CHRM3: variants seen among roughly 807,000 people sequenced by gnomAD.
CHRM3 encodes cholinergic receptor muscarinic 3, also known as muscarinic acetylcholine receptor M3.
A neutral mutation model predicts 41.8 loss-of-function variants in CHRM3; 11 were observed. The ratio of observed to expected loss-of-function variants is 0.26; its 90% CI spans 0.17 to 0.44. CHRM3 has a LOEUF of 0.44. Among genes scored for constraint, CHRM3 ranks in the 20% least tolerant of loss-of-function variants. The probability of loss-of-function intolerance (pLI) is 1.00; values close to 1 mark genes in which losing one functional copy is unlikely to be tolerated. For synonymous variants in CHRM3, 297 were observed against 301.4 expected (o/e 0.99, Z 0.15); for missense variants, 571 against 745.4 (o/e 0.77, Z 2.72).
chr1:239,660,835 C>A (rs535783750), intron 4 of CHRM3, among the ~76,000 whole-genome samples: 1 of 152,108 alleles, frequency 6.6e-6, no homozygotes, highest in Non-Finnish European at 1.5e-5. Flanking sequence ...GAGTCAAGAT[C>A]GTGCCACCAC....
chr1:239,411,622 G>A (rs565696826), intron 1 of CHRM3, among the ~76,000 whole-genome samples: 1 of 150,256 alleles, frequency 6.7e-6, no homozygotes, highest in East Asian at 2.0e-4. Flanking sequence ...CTACTCAGGA[G>A]GCTGAGGCAG....
intron 2 of CHRM3, among the ~76,000 whole-genome samples, chr1:239,529,626 A>C (rs12141424): frequency 2.1e-4 from 11 of 51,482 alleles, no homozygotes; most frequent in East Asian, 9.2e-4. Context: ...AAAAAAAAAA[A>C]AAAAACAAAC....
rs531180472 is a variant in CHRM3 at position 239,680,949 on chromosome 1, A to G, written c.-147+2661A>G. On this transcript the variant is annotated intron_variant, in intron 5 of 6. Coordinates refer to ENST00000676153, the MANE Select transcript of CHRM3 (RefSeq NM_001375978.1). ...GGGGTTTAATTGGACTTACAGTTCC[A>G]CATGGCTGGGGAGGCCTCAAATCAT... Among the ~76,000 whole-genome samples the G allele has an allele frequency of 7.2e-5, 11 of 152,288 alleles. No homozygotes were observed. The South Asian group carries it at 2.3e-3, about 32-fold the overall frequency.
chr1:239,500,564 T>C (rs1276122246), intron 2 of CHRM3, among the ~76,000 whole-genome samples: 1 of 151,560 alleles, frequency 6.6e-6, no homozygotes, highest in African/African-American at 2.4e-5. Flanking sequence ...CATGTATACA[T>C]ATGTAACAAA....
intron 3 of CHRM3, among the ~76,000 whole-genome samples, chr1:239,600,655 A>G (rs1198774527): frequency 1.3e-5 from 2 of 150,934 alleles, no homozygotes; most frequent in East Asian, 2.0e-4. Flanking sequence ...AGAAGTATTT[A>G]TCTCCCTCCT....
At chr1:239,817,002 C>T (rs917996183) in intron 5 of CHRM3, among the ~76,000 whole-genome samples, 2 of 152,208 alleles carry the variant, frequency 1.3e-5, no homozygotes, top group South Asian at 2.1e-4. Flanking sequence ...GGATTACAGG[C>T]GTGAGCCACC....
intron 5 of CHRM3, among the ~76,000 whole-genome samples, chr1:239,726,640 T>A (rs894898901): frequency 4.6e-5 from 7 of 151,942 alleles, no homozygotes; most frequent in African/African-American, 1.7e-4. Flanking sequence ...ATATCTAGTG[T>A]ACAGAACACT....
At chr1:239,574,571 G>A (rs538128868) in intron 3 of CHRM3, among the ~76,000 whole-genome samples, 1 of 152,066 alleles carries the variant, frequency 6.6e-6, no homozygotes, top group East Asian at 1.9e-4. Flanking sequence ...CCTTCCTCCT[G>A]CATCCAGGCA....
intron 5 of CHRM3, among the ~76,000 whole-genome samples, chr1:239,735,078 A>G (rs1664285529): frequency 6.6e-6 from 1 of 152,184 alleles, no homozygotes; most frequent in African/African-American, 2.4e-5. Flanking sequence ...TGAGGAGAAA[A>G]TAGACAATAT....
chr1:239,458,067 GA>G (rs560907984), intron 1 of CHRM3, among the ~76,000 whole-genome samples: 6,375 of 144,836 alleles, frequency 0.044, 162 homozygotes, highest in Non-Finnish European at 0.056. Flanking sequence ...TGTAGCTGAA[GA>G]AAAAAAAAAG....
chr1:239,805,827 T>G (rs1277591448), intron 5 of CHRM3, among the ~76,000 whole-genome samples: 4 of 152,212 alleles, frequency 2.6e-5, no homozygotes, highest in Non-Finnish European at 5.9e-5. Flanking sequence ...ATTATTGGCC[T>G]CATTATTTTT....
chr1:239,836,595 C>T (rs1673337728), intron 6 of CHRM3, among the ~76,000 whole-genome samples: 1 of 152,126 alleles, frequency 6.6e-6, no homozygotes, highest in Admixed American at 6.6e-5. Context: ...ACCTCCTTTT[C>T]ACCTGAGAGC....
At chr1:239,598,393 A>G (rs1475693587) in intron 3 of CHRM3, among the ~76,000 whole-genome samples, 1 of 152,134 alleles carries the variant, frequency 6.6e-6, no homozygotes, top group Non-Finnish European at 1.5e-5. Flanking sequence ...AAATTGGTAT[A>G]ATGAAAAGGC....
intron 5 of CHRM3, among the ~76,000 whole-genome samples, chr1:239,714,529 C>T (rs1351009858): frequency 6.6e-6 from 1 of 152,020 alleles, no homozygotes. Context: ...CAAGGCCCTG[C>T]GGTAGAAGGG....
intron 5 of CHRM3, among the ~76,000 whole-genome samples, chr1:239,754,692 A>C (rs111939654): frequency 0.016 from 2,452 of 152,310 alleles, 68 homozygotes; most frequent in African/African-American, 0.057. Context: ...CACTCACACT[A>C]TGGGGCTCAG....
intron 5 of CHRM3, among the ~76,000 whole-genome samples, chr1:239,821,887 G>A (rs1672081369): frequency 6.6e-6 from 1 of 152,126 alleles, no homozygotes. Flanking sequence ...CCATCCTCGT[G>A]ATAGTGAGTG....
chr1:239,489,126 T>A (rs1667388502), intron 1 of CHRM3, among the ~76,000 whole-genome samples: 1 of 152,004 alleles, frequency 6.6e-6, no homozygotes, highest in Non-Finnish European at 1.5e-5. Context: ...TAAGAAAAAA[T>A]TTGGGGGCCA....
chr1:239,476,058 A>G (rs1237069191), intron 1 of CHRM3, among the ~76,000 whole-genome samples: 1 of 143,236 alleles, frequency 7.0e-6, no homozygotes, highest in Non-Finnish European at 1.5e-5. Flanking sequence ...CTTAAAGCAC[A>G]GTTACTTCTT....
intron 4 of CHRM3, among the ~76,000 whole-genome samples, chr1:239,643,488 C>A (rs1026789194): frequency 3.3e-5 from 5 of 152,208 alleles, no homozygotes; most frequent in Admixed American, 2.0e-4. Context: ...GCCCCTCCCC[C>A]AGCCGCGCTG....
Sources: gnomAD v4.1 joint callset for allele counts (sites outside exome capture counted in the v4.1 genomes callset) on GRCh38, gnomAD v4.1.1 for gene constraint, MANE v1.5 for transcripts, NCBI Gene and HGNC (gene_info 2026-07-23, HGNC 2026-07-21) for gene names.